SLC17A5: variants seen among roughly 807,000 people sequenced by gnomAD.
The protein encoded by SLC17A5 is solute carrier family 17 member 5, also known as sialin.
A neutral mutation model predicts 59.4 loss-of-function variants in SLC17A5; 47 were observed. That is an observed-to-expected ratio of 0.79 (90% CI 0.63 to 1.01). The LOEUF (loss-of-function observed/expected upper bound fraction) is 1.01, where lower values mean the gene tolerates loss of function less well. Among genes scored for constraint, SLC17A5 ranks in the 50% least tolerant of loss-of-function variants. The pLI is 0.00. For synonymous variants in SLC17A5, 202 were observed against 210.7 expected, an observed-to-expected ratio of 0.96 and a Z score of 0.36; for missense variants, 522 against 595.5, an observed-to-expected ratio of 0.88 and a Z score of 1.28.
chr6:73,653,870 C>G lies in SLC17A5; in HGVS notation c.17G>C (p.Arg6Pro). The G allele has an allele frequency of 6.2e-7, 1 of 1,606,966 alleles. No individual in the cohort carries two copies. Among genetic ancestry groups the G allele is most frequent in the Non-Finnish European group, 8.5e-7 (1 of 1,177,474 alleles). MRSPV[R>P]DLARNDGEES... ...CTCGCCATCGTTCCGGGCCAGGTCTCGAACCGGAGACCTCATGACGCCTAC... is the reference window on the plus strand; with the variant it reads ...CTCGCCATCGTTCCGGGCCAGGTCTGGAACCGGAGACCTCATGACGCCTAC... The change falls in exon 1 of 11, where the codon CGA (arginine) becomes CCA (proline). Residue 6 changes from arginine (R) to proline (P), a missense_variant. Physicochemically the swap from Arg to Pro is moderately radical, Grantham distance 103. Around this residue, in one of 3 missense-constraint regions of SLC17A5, gnomAD observed 338 missense variants for 363.8 expected, o/e 0.93. Transcript: ENST00000355773.
chr6:73,653,133 T>C (rs1769946434), intron 1 of SLC17A5: 16 of 985,316 alleles, frequency 1.6e-5, no homozygotes, highest in Non-Finnish European at 1.9e-5. Flanking sequence ...GGAAAAAAAA[T>C]GTCCTCGATG....
intron 3 of SLC17A5, among the ~76,000 whole-genome samples, chr6:73,640,274 A>C (rs1769221043): frequency 6.6e-6 from 1 of 152,244 alleles, no homozygotes; most frequent in Non-Finnish European, 1.5e-5. Flanking sequence ...GAGTAATTTT[A>C]ATTTTGTGAT....
Position 73,619,282 on chromosome 6 carries a change from G to T in SLC17A5, c.978+2522C>A, listed in dbSNP as rs184003054. ...TGCTAACGGATTTGCTCCATGCAGG[G>T]TTAGCACAAATCTTCAATTCATAAA... On this transcript the variant is annotated intron_variant, in intron 7 of 10. Transcript: ENST00000355773. Among the ~76,000 whole-genome samples the T allele has an allele frequency of 8.5e-4, 129 of 152,252 alleles. 2 individuals carry two copies. Among genetic ancestry groups the T allele is most frequent in the Non-Finnish European group, 1.5e-3 (101 of 68,028 alleles).
intron 9 of SLC17A5, among the ~76,000 whole-genome samples, chr6:73,604,453 C>G (rs1467125463): frequency 2.0e-5 from 3 of 152,034 alleles, no homozygotes; most frequent in Non-Finnish European, 2.9e-5. Context: ...AGAAAAATCT[C>G]TATTTTGGGG....
At chr6:73,619,364 C>T (rs1022456261) in intron 7 of SLC17A5, among the ~76,000 whole-genome samples, 8 of 139,032 alleles carry the variant, frequency 5.8e-5, no homozygotes, top group Admixed American at 3.1e-4. Context: ...AGGCATGCCA[C>T]GCTTCTCAAA....
intron 9 of SLC17A5, among the ~76,000 whole-genome samples, chr6:73,605,448 T>C (rs1302510646): frequency 9.9e-5 from 15 of 152,038 alleles, no homozygotes; most frequent in Admixed American, 5.9e-4. Flanking sequence ...AAAAAGCAAC[T>C]ATGAAAAACC....
chr6:73,606,633 A>G (rs1185620418), intron 9 of SLC17A5, among the ~76,000 whole-genome samples: 1 of 152,160 alleles, frequency 6.6e-6, no homozygotes, highest in Non-Finnish European at 1.5e-5. Context: ...CTGCCTGTCC[A>G]GCATTATACT....
intron 6 of SLC17A5, among the ~76,000 whole-genome samples, chr6:73,631,316 C>G (rs12210126): frequency 1.1e-4 from 17 of 151,458 alleles, no homozygotes; most frequent in Non-Finnish European, 4.4e-5. Flanking sequence ...TGAGCACAGA[C>G]AAAAACACAA....
At chr6:73,600,533 G>C in intron 9 of SLC17A5, 92 bp from the exon 10 acceptor site, 1 of 975,652 alleles carries the variant, frequency 1.0e-6, no homozygotes, top group Non-Finnish European at 1.5e-6. Flanking sequence ...TTTTGAGACA[G>C]AGTCTCACTC....
intron 1 of SLC17A5, among the ~76,000 whole-genome samples, chr6:73,647,322 T>C (rs1014289971): frequency 1.8e-4 from 28 of 152,212 alleles, no homozygotes; most frequent in African/African-American, 6.8e-4. Flanking sequence ...AGGACTACTG[T>C]AGCTTTCCAG....
At chr6:73,638,110 C>A (rs1769108334) in intron 4 of SLC17A5, among the ~76,000 whole-genome samples, 1 of 150,542 alleles carries the variant, frequency 6.6e-6, no homozygotes, top group Non-Finnish European at 1.5e-5. Context: ...ATTTAAAACC[C>A]CCAAAAAAGT....
chr6:73,600,508 CTTT>C (rs11349241), intron 9 of SLC17A5, 67 bp from the exon 10 acceptor site: 14,215 of 768,912 alleles, frequency 0.018, no homozygotes, highest in Non-Finnish European at 0.02. Context: ...TTCTTTCCTT[CTTT>C]TTTTTTTTTT....
chr6:73,596,047 C>T (rs985527902), intron 10 of SLC17A5, among the ~76,000 whole-genome samples: 4 of 151,676 alleles, frequency 2.6e-5, no homozygotes, highest in African/African-American at 7.3e-5. Context: ...CTCAAGTGAT[C>T]CACTCGCCTC....
chr6:73,601,605 G>T, intron 9 of SLC17A5, among the ~76,000 whole-genome samples: 1 of 96,804 alleles, frequency 1.0e-5, no homozygotes, highest in African/African-American at 4.8e-5. Flanking sequence ...GAGCCCTGCT[G>T]CCCGGCCAGC....
chr6:73,652,740 C>T (rs1769929306), intron 1 of SLC17A5, among the ~76,000 whole-genome samples: 1 of 31,484 alleles, frequency 3.2e-5, no homozygotes, highest in Non-Finnish European at 9.8e-5. Flanking sequence ...AATAAGCTCC[C>T]GGCTGCCAGA....
intron 7 of SLC17A5, chr6:73,618,558 G>C: frequency 1.9e-6 from 1 of 524,364 alleles, no homozygotes; most frequent in Non-Finnish European, 3.6e-6. Flanking sequence ...GAAAAGCAAG[G>C]CTTATGGAAG....
intron 1 of SLC17A5, among the ~76,000 whole-genome samples, chr6:73,649,375 G>A (rs1167999689): frequency 6.6e-6 from 1 of 152,192 alleles, no homozygotes; most frequent in South Asian, 2.1e-4. Flanking sequence ...AGCTGAGATG[G>A]GGAAGGATTG....
rs558228303 is a variant in SLC17A5, at chr6:73,631,996, C to T, written c.819+3386G>A. Among the ~76,000 whole-genome samples the T allele has an allele frequency of 2.6e-5, 3 of 116,222 alleles. 1 individual carries two copies. Among genetic ancestry groups the T allele is most frequent in the African/African-American group, 9.8e-5 (3 of 30,472 alleles). 76.2% of individuals were successfully genotyped at this position (116,222 alleles called of 152,430 possible). On this transcript the variant is annotated intron_variant, in intron 6 of 10. Coordinates refer to ENST00000355773, the MANE Select transcript of SLC17A5 (RefSeq NM_012434.5). ...CATTTTACAACACTGTCAACTATAA[C>T]GTCATGTGCTTTAAGAATGCAGTCT...
At chr6:73,602,648 G>A (rs553347556) in intron 9 of SLC17A5, among the ~76,000 whole-genome samples, 22 of 151,926 alleles carry the variant, frequency 1.4e-4, no homozygotes, top group Non-Finnish European at 2.8e-4. Flanking sequence ...GATGGCAGGC[G>A]CCTCTAGTCC....
Sources: allele counts gnomAD v4.1 joint callset (sites outside exome capture counted in the v4.1 genomes callset), GRCh38; gene constraint gnomAD v4.1.1; regional missense constraint gnomAD v4.1.1; transcripts MANE v1.5; gene names NCBI Gene and HGNC (gene_info 2026-07-23, HGNC 2026-07-21).